SCARB2: variants seen among roughly 807,000 people sequenced by gnomAD.
SCARB2 encodes the protein scavenger receptor class B member 2.
In SCARB2, 29 loss-of-function variants were observed where a neutral mutation model predicts 58.6. That is an observed-to-expected ratio of 0.49 (90% CI 0.37 to 0.67). The LOEUF (loss-of-function observed/expected upper bound fraction) is 0.67. Ranked by LOEUF, SCARB2 falls within the 30% of genes least tolerant of loss-of-function variation. The pLI, the probability that SCARB2 is intolerant of heterozygous loss-of-function variation, is 0.00. For missense variants in SCARB2, 488 were observed against 578.5 expected, an observed-to-expected ratio of 0.84 and a Z score of 1.60; for synonymous variants, 195 against 210.1, an observed-to-expected ratio of 0.93 and a Z score of 0.62.
In SCARB2 at chr4:76,231,640, G is replaced by A. The variant is rs376611452; in HGVS notation, c.-358+2663C>T. Reference sequence around the variant, plus strand: ...AAGTACAGCAAGAATTATTATTTCCGCAAAGGCCTTTCGGATTGGCTTCGA... The same window carrying A: ...AAGTACAGCAAGAATTATTATTTCCACAAAGGCCTTTCGGATTGGCTTCGA... On this transcript the variant is annotated intron_variant, in intron 1 of 11. Coordinates refer to the SCARB2 transcript ENST00000638295. Among the ~76,000 whole-genome samples the A allele has an allele frequency of 1.2e-4, 18 of 152,254 alleles. No homozygotes were observed. In the East Asian group the frequency reaches 1.7e-3, roughly 15 times the overall value.
intron 1 of SCARB2, among the ~76,000 whole-genome samples, chr4:76,210,784 C>A (rs767584148): frequency 1.2e-4 from 18 of 152,226 alleles, no homozygotes; most frequent in Non-Finnish European, 2.1e-4. Flanking sequence ...TCAGTTACCT[C>A]TGGTCACTGC....
At chr4:76,203,648 T>C (rs1280746249) in intron 1 of SCARB2, among the ~76,000 whole-genome samples, 1 of 152,172 alleles carries the variant, frequency 6.6e-6, no homozygotes, top group East Asian at 1.9e-4. Context: ...GAGAACAACC[T>C]CTCTGAGCTG....
chr4:76,217,680 C>A (rs1431071354), upstream of SCARB2: 2 of 638,880 alleles, frequency 3.1e-6, no homozygotes, highest in Admixed American at 4.5e-5. Context: ...TTTCACTACC[C>A]AATCTCAGGT....
intron 1 of SCARB2, among the ~76,000 whole-genome samples, chr4:76,226,969 G>T (rs1368541757): frequency 6.7e-6 from 1 of 149,838 alleles, no homozygotes; most frequent in Non-Finnish European, 1.5e-5. Flanking sequence ...TCATTTCAAA[G>T]AACCAAGTTT....
chr4:76,224,308 C>T (rs574422962), intron 1 of SCARB2, among the ~76,000 whole-genome samples: 6 of 152,310 alleles, frequency 3.9e-5, no homozygotes, highest in African/African-American at 1.2e-4. Flanking sequence ...TAAAACTTCT[C>T]ATATCTTTAT....
intron 1 of SCARB2, among the ~76,000 whole-genome samples, chr4:76,222,771 A>G (rs1733331549): frequency 6.6e-6 from 1 of 152,196 alleles, no homozygotes; most frequent in African/African-American, 2.4e-5. Context: ...TAAGGACTTC[A>G]CATCTATTAA....
At position 76,227,977 on chromosome 4, in the gene SCARB2, C is replaced by G. The variant is rs545106528; in HGVS notation, c.-358+6326G>C. Among the ~76,000 whole-genome samples the G allele has an allele frequency of 3.9e-5, 6 of 152,240 alleles. No homozygotes were observed. In the East Asian group the frequency reaches 1.2e-3, roughly 29 times the overall value. ...AGATACCTGGTTACTTGATTTTTAT[C>G]TATTCTGCCATTCTGTATCTTTTAA... On this transcript the variant is annotated intron_variant, in intron 1 of 11. Coordinates refer to the SCARB2 transcript ENST00000638295.
intron 8 of SCARB2, among the ~76,000 whole-genome samples, chr4:76,169,341 C>CACATAT (rs3217498): frequency 1.1e-4 from 16 of 151,126 alleles, no homozygotes; most frequent in African/African-American, 3.9e-4. Flanking sequence ...CACACACACA[C>CACATAT]GTGTGTATGT....
At chr4:76,180,566 C>G (rs1451078492) in intron 3 of SCARB2, 1 of 155,768 alleles carries the variant, frequency 6.4e-6, no homozygotes, top group Non-Finnish European at 1.4e-5. Flanking sequence ...ACATAAAAAT[C>G]TGAAGTAAGA....
chr4:76,169,673 A>G (rs778791052), intron 8 of SCARB2, among the ~76,000 whole-genome samples, 194 bp downstream of exon 8: 2 of 152,218 alleles, frequency 1.3e-5, no homozygotes, highest in Non-Finnish European at 2.9e-5. Context: ...TCTGCTATTC[A>G]ATCCACAAAA....
At chr4:76,174,933 CT>C (rs1320515754) in intron 6 of SCARB2, 2 of 156,522 alleles carry the variant, frequency 1.3e-5, no homozygotes, top group African/African-American at 4.8e-5. Flanking sequence ...ACTGCTTACA[CT>C]GCATAGTGCC....
At chr4:76,185,125 C>T (rs151033556) in intron 2 of SCARB2, among the ~76,000 whole-genome samples, 3 of 152,296 alleles carry the variant, frequency 2.0e-5, no homozygotes, top group Non-Finnish European at 4.4e-5. Flanking sequence ...GGTTTAGAAT[C>T]CTGGTGACCT....
chr4:76,214,380 ATGTGC>A (rs1242275382), upstream of SCARB2: 15 of 441,298 alleles, frequency 3.4e-5, no homozygotes, highest in Admixed American at 2.0e-4. Context: ...AGAATGGAAG[ATGTGC>A]AAAAAAGGGA....
intron 10 of SCARB2, 143 bp from the exon 11 acceptor site, chr4:76,163,526 C>CA: frequency 3.7e-6 from 3 of 811,864 alleles, no homozygotes; most frequent in Non-Finnish European, 6.1e-6. Flanking sequence ...ATTTATAAGT[C>CA]AGAGTAATCA....
At chr4:76,224,439 C>A (rs1050400269) in intron 1 of SCARB2, among the ~76,000 whole-genome samples, 1 of 152,126 alleles carries the variant, frequency 6.6e-6, no homozygotes, top group South Asian at 2.1e-4. Context: ...GGGTTCACTC[C>A]CAAGTCCTTA....
chr4:76,214,794 TTG>T (rs1309406947), upstream of SCARB2, among the ~76,000 whole-genome samples: 1 of 152,168 alleles, frequency 6.6e-6, no homozygotes, highest in Non-Finnish European at 1.5e-5. Flanking sequence ...GAATAGGAGG[TTG>T]TGTTTGTCCC....
chr4:76,191,438 A>G (rs1732602977), intron 2 of SCARB2, among the ~76,000 whole-genome samples: 1 of 152,086 alleles, frequency 6.6e-6, no homozygotes. Context: ...AGGATTCCTC[A>G]TGGCTTAGTG....
chr4:76,214,005 G>A (rs1056011528), upstream of SCARB2: 8 of 222,556 alleles, frequency 3.6e-5, no homozygotes, highest in Non-Finnish European at 7.2e-5. Flanking sequence ...CTGAGTGGCT[G>A]CGGCGCCTGA....
intron 7 of SCARB2, among the ~76,000 whole-genome samples, chr4:76,170,958 AT>A (rs1732117110): frequency 2.7e-5 from 4 of 146,258 alleles, no homozygotes; most frequent in East Asian, 4.1e-4. Context: ...ATATATATAT[AT>A]ATATATATAT....
Sources: gnomAD v4.1 joint callset for allele counts (sites outside exome capture counted in the v4.1 genomes callset) on GRCh38, gnomAD v4.1.1 for gene constraint, MANE v1.5 for transcripts, NCBI Gene and HGNC (gene_info 2026-07-23, HGNC 2026-07-21) for gene names.